Variants in CTNNBL1 observed in about 807,000 individuals in gnomAD.
CTNNBL1 encodes the protein catenin beta like 1, also known as beta-catenin-like protein 1.
CTNNBL1 carries 31 observed loss-of-function variants against 72.7 expected under a neutral mutation model. The observed-to-expected ratio is 0.43, with a 90% confidence interval of 0.32 to 0.58. The LOEUF (loss-of-function observed/expected upper bound fraction) is 0.58, where lower values mean the gene tolerates loss of function less well. Ranked by LOEUF, CTNNBL1 falls within the 20% of genes least tolerant of loss-of-function variation. The pLI is 0.08. For missense variants in CTNNBL1, 534 were observed against 725.1 expected, an observed-to-expected ratio of 0.74 and a Z score of 3.03; for synonymous variants, 240 against 267.3, an observed-to-expected ratio of 0.90 and a Z score of 1.00.
chr20:37,711,948 T>G (rs1055530944), intron 1 of CTNNBL1, among the ~76,000 whole-genome samples: 1 of 152,044 alleles, frequency 6.6e-6, no homozygotes, highest in Non-Finnish European at 1.5e-5. Flanking sequence ...GGGAAGCCAT[T>G]AGGGGTTTTA....
intron 11 of CTNNBL1, among the ~76,000 whole-genome samples, chr20:37,822,615 G>A (rs1485861799): frequency 5.3e-5 from 8 of 152,196 alleles, no homozygotes; most frequent in Admixed American, 5.2e-4. Flanking sequence ...GGAAAGTTGG[G>A]TGCTAGTAAA....
chr20:37,850,666 G>A (rs2072388472), intron 13 of CTNNBL1, among the ~76,000 whole-genome samples: 1 of 152,200 alleles, frequency 6.6e-6, no homozygotes, highest in Non-Finnish European at 1.5e-5. Flanking sequence ...AGGAAGATTT[G>A]TTTTGCTGGT....
At chr20:37,787,384 G>A (rs1458045715) in intron 10 of CTNNBL1, among the ~76,000 whole-genome samples, 14 of 127,598 alleles carry the variant, frequency 1.1e-4, no homozygotes, top group Non-Finnish European at 1.4e-4. Flanking sequence ...TCGCTCTGTC[G>A]CCCAGGCTGG....
chr20:37,791,552 G>A (rs776225408), intron 10 of CTNNBL1, among the ~76,000 whole-genome samples: 14 of 152,218 alleles, frequency 9.2e-5, no homozygotes, highest in East Asian at 3.9e-4. Context: ...GGGGTAAGGG[G>A]TTATTTGTCT....
chr20:37,733,571 A>G (rs1021990411), intron 2 of CTNNBL1, among the ~76,000 whole-genome samples: 5 of 151,936 alleles, frequency 3.3e-5, no homozygotes, highest in Non-Finnish European at 7.4e-5. Flanking sequence ...GGGCCTTTCC[A>G]CTCATTCCTG....
intron 1 of CTNNBL1, among the ~76,000 whole-genome samples, chr20:37,696,737 CT>C (rs1332472537): frequency 6.6e-6 from 1 of 152,048 alleles, no homozygotes; most frequent in South Asian, 2.1e-4. Context: ...GCCACTGCCC[CT>C]GGCCACGTGA....
At chr20:37,831,756 A>G (rs1207511631) in intron 11 of CTNNBL1, among the ~76,000 whole-genome samples, 1 of 152,146 alleles carries the variant, frequency 6.6e-6, no homozygotes, top group Non-Finnish European at 1.5e-5. Flanking sequence ...TACTTGCTAC[A>G]TTGCCTGGCA....
At position 37,796,159 on chromosome 20, in the gene CTNNBL1, C is replaced by T. The variant is rs78068774; in HGVS notation, c.1032-6708C>T. On this transcript the variant is annotated intron_variant, in intron 10 of 15. Coordinates refer to ENST00000361383, the MANE Select transcript of CTNNBL1 (RefSeq NM_030877.5). ...GGAATACAAACTATTCCTGGCCCTC[C>T]GTGAGCTCTGGGATTGTCTTTTCTT... Among the ~76,000 whole-genome samples the T allele has an allele frequency of 2.8e-3, 429 of 152,248 alleles. 4 individuals are homozygous for T. Among genetic ancestry groups the T allele is most frequent in the Middle Eastern group, 0.01 (3 of 294 alleles).
At chr20:37,745,059 GGCTT>G (rs1317191789) in intron 3 of CTNNBL1, among the ~76,000 whole-genome samples, 1 of 152,060 alleles carries the variant, frequency 6.6e-6, no homozygotes, top group East Asian at 1.9e-4. Context: ...CATTTTTGAG[GGCTT>G]GCTTTTCTTT....
chr20:37,842,706 G>A (rs555441439), intron 13 of CTNNBL1, among the ~76,000 whole-genome samples: 2 of 152,328 alleles, frequency 1.3e-5, no homozygotes, highest in East Asian at 3.9e-4. Context: ...TCTGGCCAAA[G>A]TACAAGGCTG....
chr20:37,849,242 C>G (rs2072373623), intron 13 of CTNNBL1, among the ~76,000 whole-genome samples: 1 of 152,242 alleles, frequency 6.6e-6, no homozygotes, highest in Non-Finnish European at 1.5e-5. Context: ...ATTTTCTACA[C>G]AGCAACCAGA....
intron 7 of CTNNBL1, among the ~76,000 whole-genome samples, chr20:37,768,536 A>G (rs529306596): frequency 1.3e-5 from 2 of 152,342 alleles, no homozygotes; most frequent in African/African-American, 4.8e-5. Context: ...GTAAGTTTGT[A>G]GTGTTATAAA....
At chr20:37,763,526 G>A (rs561019620) in intron 5 of CTNNBL1, among the ~76,000 whole-genome samples, 4 of 152,174 alleles carry the variant, frequency 2.6e-5, no homozygotes, top group Middle Eastern at 3.4e-3. Flanking sequence ...TCCCTTGTCC[G>A]TGTATTTCCC....
At chr20:37,711,387 C>T (rs1861199449) in intron 1 of CTNNBL1, among the ~76,000 whole-genome samples, 1 of 151,652 alleles carries the variant, frequency 6.6e-6, no homozygotes, top group Non-Finnish European at 1.5e-5. Flanking sequence ...TGGATTAGTG[C>T]TCCATATTGA....
chr20:37,717,974 C>T (rs1484918404), intron 1 of CTNNBL1, among the ~76,000 whole-genome samples: 1 of 152,196 alleles, frequency 6.6e-6, no homozygotes, highest in East Asian at 1.9e-4. Flanking sequence ...TTTCTTAGTA[C>T]AGAACAAAAT....
rs187186274 is a variant in CTNNBL1, at chr20:37,699,616, T to C, written c.30+5464T>C. On this transcript the variant is annotated intron_variant, in intron 1 of 15. Coordinates refer to ENST00000361383, the MANE Select transcript of CTNNBL1 (RefSeq NM_030877.5). ...ACATCTTATGAGCCTTTGGTTATAG[T>C]TATCATTTACAAAGTAGACTCAGTA... 2.6e-5 allele frequency among the ~76,000 whole-genome samples: 4 copies of C among 152,318 alleles called. No individual in the cohort carries two copies. In the East Asian group the frequency reaches 7.7e-4, roughly 29 times the overall value.
intron 3 of CTNNBL1, among the ~76,000 whole-genome samples, chr20:37,740,912 T>G (rs1293753214): frequency 3.9e-5 from 6 of 152,242 alleles, no homozygotes; most frequent in Non-Finnish European, 4.4e-5. Flanking sequence ...CTTTGAGAAC[T>G]GCTGATTTAC....
intron 7 of CTNNBL1, among the ~76,000 whole-genome samples, chr20:37,774,335 C>T (rs1179038096): frequency 1.3e-5 from 2 of 152,242 alleles, no homozygotes; most frequent in Admixed American, 6.5e-5. Context: ...ATGGGAACCA[C>T]GTGAGAGAGC....
Position 37,759,303 on chromosome 20 carries a change from C to T in CTNNBL1, c.564+1647C>T, listed in dbSNP as rs114147178. 7.3e-3 allele frequency among the ~76,000 whole-genome samples: 1,109 copies of T among 152,266 alleles called. 16 individuals carry two copies. Among genetic ancestry groups the T allele is most frequent in the African/African-American group, 0.026 (1,063 of 41,538 alleles). ...GTCCCTGCAGTGTCGTTTGTGCAGT[C>T]TTACCTTCCAGAGGTTAATTACATG... On this transcript the variant is annotated intron_variant, in intron 5 of 15. Transcript: ENST00000361383.
Sources: allele counts gnomAD v4.1 joint callset (sites outside exome capture counted in the v4.1 genomes callset), GRCh38; gene constraint gnomAD v4.1.1; transcripts MANE v1.5; gene names NCBI Gene and HGNC (gene_info 2026-07-23, HGNC 2026-07-21).